The following GRB10 variants were observed in gnomAD, a reference collection of about 807,000 sequenced individuals.
GRB10 encodes growth factor receptor-bound protein 10.
Under a neutral mutation model 80.9 loss-of-function variants are expected in GRB10, and 20 were observed. The observed-to-expected ratio is 0.25, with a 90% CI of 0.17 to 0.36. The LOEUF is 0.36. GRB10 is among the 10% of genes least tolerant of loss of function. The pLI, the probability that GRB10 is intolerant of heterozygous loss-of-function variation, is 1.00. For missense variants in GRB10, 548 were observed against 747.7 expected (o/e 0.73, Z 3.12); for synonymous variants, 291 against 291.5 (o/e 1.00, Z 0.02).
In GRB10 at chr7:50,664,068, G is replaced by A. The variant is rs78057645; in HGVS notation, c.504+5654C>T. Among the ~76,000 whole-genome samples the A allele has an allele frequency of 1.5e-3, 221 of 152,342 alleles. 5 individuals are homozygous for A. The East Asian group carries it at 0.036, about 25-fold the overall frequency. ...CCTGCTGGCCATGCTCGGCTGATGG[G>A]CGGTGGCTGTGGACACAGGGCCCCT... On this transcript the variant is annotated intron_variant, in intron 7 of 18. Transcript: ENST00000401949.
chr7:50,627,495 A>G (rs1190641903), intron 7 of GRB10, among the ~76,000 whole-genome samples: 1 of 152,166 alleles, frequency 6.6e-6, no homozygotes, highest in African/African-American at 2.4e-5. Flanking sequence ...CCTCACAGAC[A>G]CTGAGGCTCA....
intron 6 of GRB10, 36 bp from the exon 7 acceptor site, chr7:50,669,899 C>T: frequency 6.3e-7 from 1 of 1,581,870 alleles, no homozygotes; most frequent in Non-Finnish European, 8.6e-7. Context: ...TAAAAGCTGC[C>T]ATTCCCCACA....
intron 4 of GRB10, 102 bp downstream of exon 4, chr7:50,732,170 C>A: frequency 8.3e-7 from 1 of 1,201,912 alleles, no homozygotes; most frequent in Non-Finnish European, 1.2e-6. Flanking sequence ...GTCCTAGTGA[C>A]CTGAGAGCTA....
chr7:50,595,216 G>T lies in GRB10; in HGVS notation c.1638+221C>A, dbSNP rs73344824. 9.4e-3 allele frequency among the ~76,000 whole-genome samples: 1,437 copies of T among 152,226 alleles called. 24 individuals carry two copies. The highest frequency in any genetic ancestry group is 0.033 in the African/African-American group (1,372 of 41,520). On this transcript the variant is annotated intron_variant, in intron 18 of 18. Coordinates refer to ENST00000401949, the MANE Select transcript of GRB10 (RefSeq NM_001350814.2). ...CAACCAAGAGCTCACAGGCTCAAGG[G>T]GGGCCTCAACACCCTATCACCACTT... is the stretch of plus-strand genomic sequence containing the variant.
At chr7:50,630,273 C>G (rs957268552) in intron 7 of GRB10, among the ~76,000 whole-genome samples, 1 of 152,220 alleles carries the variant, frequency 6.6e-6, no homozygotes, top group African/African-American at 2.4e-5. Context: ...TAGAAACAGA[C>G]TTGGCCATAA....
intron 17 of GRB10, among the ~76,000 whole-genome samples, chr7:50,603,473 G>C (rs2047969648): frequency 1.3e-5 from 2 of 152,168 alleles, no homozygotes; most frequent in African/African-American, 4.8e-5. Flanking sequence ...GTCACTAATT[G>C]CCACGGCAAC....
At chr7:50,644,942 G>C (rs1201521678) in intron 7 of GRB10, among the ~76,000 whole-genome samples, 1 of 152,224 alleles carries the variant, frequency 6.6e-6, no homozygotes, top group African/African-American at 2.4e-5. Context: ...GAAGCTGAGA[G>C]ACACAGCAGG....
chr7:50,664,025 T>A (rs1412075487), intron 7 of GRB10, among the ~76,000 whole-genome samples: 2 of 152,196 alleles, frequency 1.3e-5, no homozygotes, highest in East Asian at 3.9e-4. Flanking sequence ...AATTTTCTGG[T>A]GACACTGGTC....
intron 4 of GRB10, among the ~76,000 whole-genome samples, chr7:50,728,228 AG>A (rs2068986565): frequency 6.7e-6 from 1 of 149,032 alleles, no homozygotes; most frequent in East Asian, 2.0e-4. Flanking sequence ...GGGGGGGTGT[AG>A]TACTTAAAAA....
chr7:50,682,414 C>T (rs2061646273), intron 5 of GRB10, among the ~76,000 whole-genome samples: 1 of 152,180 alleles, frequency 6.6e-6, no homozygotes, highest in Admixed American at 6.5e-5. Context: ...TGCCCTCAGG[C>T]AGGGTCAGAG....
rs1157774313 is a variant in GRB10 at position 50,775,320 on chromosome 7, C to T, written c.-217+5307G>A. Among the ~76,000 whole-genome samples, 4 of 152,292 alleles carry T rather than the reference C, an allele frequency of 2.6e-5. No individual in the cohort carries two copies. In the East Asian group the frequency reaches 5.8e-4, roughly 22 times the overall value. ...TCAATGGTAAGGCTGGAGAATAAAT[C>T]TTTGGTTCCATGTCCTGCCTTCCAG... On this transcript the variant is annotated intron_variant, in intron 2 of 18. Transcript: ENST00000401949.
intron 7 of GRB10, among the ~76,000 whole-genome samples, chr7:50,628,810 T>C (rs1037026200): frequency 6.6e-6 from 1 of 152,132 alleles, no homozygotes; most frequent in East Asian, 1.9e-4. Flanking sequence ...AAATCCACCA[T>C]CTCTTTTCCA....
intron 8 of GRB10, among the ~76,000 whole-genome samples, chr7:50,624,584 C>T (rs1311468052): frequency 2.6e-5 from 4 of 152,196 alleles, no homozygotes; most frequent in Non-Finnish European, 4.4e-5. Flanking sequence ...GACACAGAAA[C>T]CCTGTGTCAA....
chr7:50,726,077 T>A (rs1263451426), intron 4 of GRB10: 1 of 152,216 alleles, frequency 6.6e-6, no homozygotes. Flanking sequence ...CCAGAATATT[T>A]GCCACAGTAC....
At chr7:50,600,591 G>C (rs904805023) in intron 17 of GRB10, among the ~76,000 whole-genome samples, 2 of 152,178 alleles carry the variant, frequency 1.3e-5, no homozygotes, top group African/African-American at 2.4e-5. Flanking sequence ...CAGAGGGAAG[G>C]AAGGAGAGAG....
chr7:50,733,890 C>T (rs1398359419), intron 3 of GRB10, among the ~76,000 whole-genome samples: 2 of 152,214 alleles, frequency 1.3e-5, no homozygotes, highest in Admixed American at 1.3e-4. Flanking sequence ...ACCCAATCCA[C>T]AGAAGGCCTT....
intron 17 of GRB10, among the ~76,000 whole-genome samples, chr7:50,599,750 C>T (rs892542999): frequency 6.6e-6 from 1 of 152,226 alleles, no homozygotes; most frequent in Non-Finnish European, 1.5e-5. Flanking sequence ...AACTGGGTTT[C>T]TGATCCGAGA....
intron 7 of GRB10, among the ~76,000 whole-genome samples, chr7:50,632,267 A>G (rs1305970082): frequency 6.6e-6 from 1 of 152,206 alleles, no homozygotes. Context: ...ATCCTGTTCA[A>G]TTATAGTGAC....
chr7:50,650,050 T>A (rs567818661), intron 7 of GRB10, among the ~76,000 whole-genome samples: 5 of 151,208 alleles, frequency 3.3e-5, no homozygotes, highest in African/African-American at 1.2e-4. Flanking sequence ...ACCACTAGAG[T>A]GGGGGAGGCT....
Sources: gnomAD v4.1 joint callset for allele counts (sites outside exome capture counted in the v4.1 genomes callset) on GRCh38, gnomAD v4.1.1 for gene constraint, MANE v1.5 for transcripts, NCBI Gene and HGNC (gene_info 2026-07-23, HGNC 2026-07-21) for gene names.